Variants in PELI2 observed in about 807,000 individuals in gnomAD.
PELI2 encodes the protein pellino E3 ubiquitin protein ligase family member 2.
A neutral mutation model predicts 42.3 loss-of-function variants in PELI2; 23 were observed. That is an observed-to-expected ratio of 0.54 (90% CI 0.39 to 0.77). The LOEUF (loss-of-function observed/expected upper bound fraction) is 0.77, where lower values mean the gene tolerates loss of function less well. Ranked by LOEUF, PELI2 falls within the 30% of genes least tolerant of loss-of-function variation. The probability of loss-of-function intolerance (pLI) is 0.00; values close to 1 mark genes in which losing one functional copy is unlikely to be tolerated. For synonymous variants in PELI2, 245 were observed against 212.2 expected (o/e 1.15, Z -1.34); for missense variants, 463 against 553.2 (o/e 0.84, Z 1.64).
chr14:56,153,273 C>T (rs566698511), intron 1 of PELI2, among the ~76,000 whole-genome samples: 4 of 152,102 alleles, frequency 2.6e-5, no homozygotes, highest in African/African-American at 7.2e-5. Flanking sequence ...TTTGGAAAAA[C>T]GGGGTTTTTG....
At chr14:56,136,200 C>T (rs1325246148) in intron 1 of PELI2, among the ~76,000 whole-genome samples, 1 of 152,102 alleles carries the variant, frequency 6.6e-6, no homozygotes, top group African/African-American at 2.4e-5. Flanking sequence ...TCCAGGGTTC[C>T]ACTGGTTCAC....
intron 2 of PELI2, among the ~76,000 whole-genome samples, chr14:56,264,513 G>T (rs977854548): frequency 2.0e-5 from 3 of 152,164 alleles, no homozygotes; most frequent in African/African-American, 7.2e-5. Flanking sequence ...GAAGCTGTGG[G>T]AAAGATGGTA....
At chr14:56,181,215 C>T (rs566904380) in intron 2 of PELI2, among the ~76,000 whole-genome samples, 3 of 152,176 alleles carry the variant, frequency 2.0e-5, no homozygotes, top group Admixed American at 6.5e-5. Context: ...CTGTTTGCCA[C>T]GGTTATTGGC....
At chr14:56,245,876 G>A (rs1888133883) in intron 2 of PELI2, among the ~76,000 whole-genome samples, 2 of 152,106 alleles carry the variant, frequency 1.3e-5, no homozygotes, top group African/African-American at 4.8e-5. Flanking sequence ...TAAAGTATAT[G>A]GGAGGATGTA....
intron 2 of PELI2, among the ~76,000 whole-genome samples, chr14:56,225,132 A>G (rs1887296877): frequency 1.3e-5 from 2 of 152,172 alleles, no homozygotes; most frequent in Non-Finnish European, 2.9e-5. Context: ...TTTGGTAAGG[A>G]TGAACAATGA....
intron 2 of PELI2, among the ~76,000 whole-genome samples, chr14:56,203,147 G>A (rs776691800): frequency 2.0e-5 from 3 of 152,232 alleles, no homozygotes; most frequent in Middle Eastern, 3.4e-3. Context: ...GACCAGCCTG[G>A]CCAACATGCT....
chr14:56,134,688 G>C (rs1455242473), intron 1 of PELI2, among the ~76,000 whole-genome samples: 1 of 151,932 alleles, frequency 6.6e-6, no homozygotes, highest in African/African-American at 2.4e-5. Context: ...CTGCTGGAGT[G>C]ATAACCGTGA....
Position 56,136,262 on chromosome 14 carries a change from A to G in PELI2, c.77+17525A>G, listed in dbSNP as rs140054073. On this transcript the variant is annotated intron_variant, in intron 1 of 5. Coordinates refer to ENST00000267460, the MANE Select transcript of PELI2 (RefSeq NM_021255.3). Reference sequence around the variant, plus strand: ...AGTATTTTCAAGGGGGTGTGGTGGAATGTTGAGGTCCACAGTGTCTCTGGT... The same window carrying G: ...AGTATTTTCAAGGGGGTGTGGTGGAGTGTTGAGGTCCACAGTGTCTCTGGT... Among the ~76,000 whole-genome samples, 86 of 152,300 alleles carry G rather than the reference A, an allele frequency of 5.6e-4. No individual in the cohort carries two copies. In the East Asian group the frequency reaches 0.015, roughly 26 times the overall value.
chr14:56,262,140 A>G (rs1160200478), intron 2 of PELI2, among the ~76,000 whole-genome samples: 1 of 152,234 alleles, frequency 6.6e-6, no homozygotes, highest in Non-Finnish European at 1.5e-5. Flanking sequence ...TTTAAACTGC[A>G]ATTTACAGGC....
chr14:56,165,982 T>G (rs1028004536), intron 1 of PELI2, among the ~76,000 whole-genome samples: 5 of 152,348 alleles, frequency 3.3e-5, no homozygotes, highest in African/African-American at 1.2e-4. Flanking sequence ...GTAAATAGAC[T>G]AAACTCTCAT....
rs1890040849 is a variant in PELI2, at chr14:56,297,228, C to T, written c.*62C>T. On this transcript the variant is annotated 3_prime_UTR_variant, in exon 6 of 6. Coordinates refer to ENST00000267460, the MANE Select transcript of PELI2 (RefSeq NM_021255.3). The stretch of plus-strand genomic sequence containing the variant: ...TACTGTGAAGATTTTGCCACTAACT[C>T]TAGATTTTACCTTTTTGTAATGCTG... 8.8e-7 allele frequency: 1 copy of T among 1,141,528 alleles called. No homozygotes were observed. The highest frequency in any genetic ancestry group is 1.5e-5 in the African/African-American group (1 of 64,860). The allele number at this position is 1,141,528 out of a possible 1,614,324, so 70.7% of individuals were successfully genotyped here.
At chr14:56,153,791 G>A (rs566570849) in intron 1 of PELI2, among the ~76,000 whole-genome samples, 2 of 152,214 alleles carry the variant, frequency 1.3e-5, no homozygotes, top group African/African-American at 2.4e-5. Context: ...CTGAAAAACC[G>A]AGTTCTTTTC....
intron 2 of PELI2, among the ~76,000 whole-genome samples, chr14:56,200,417 C>T (rs1886292984): frequency 6.6e-6 from 1 of 152,140 alleles, no homozygotes; most frequent in African/African-American, 2.4e-5. Context: ...CCCAGGGTCA[C>T]ACAGCCGGTG....
Position 56,290,424 on chromosome 14 carries a change from G to C in PELI2, c.664G>C (p.Glu222Gln). ...CTGTGGAGATGTGTACACCTTGCGA[G>C]AAACCAGGTCGGCCCAGCAACGAGG... ...SVCGDVYTLR[E>Q]TRSAQQRGKL... Residue 222 changes from glutamate (E) to glutamine (Q), a missense_variant, in exon 5 of 6, where the codon GAA becomes CAA. This residue lies in a region of PELI2 where 343 missense variants were observed against 378.4 expected (regional missense o/e 0.91). Transcript: ENST00000267460. The C allele has an allele frequency of 6.2e-7, 1 of 1,608,580 alleles. No individual in the cohort carries two copies. Among genetic ancestry groups the C allele is most frequent in the Non-Finnish European group, 8.5e-7 (1 of 1,176,316 alleles).
intron 4 of PELI2, among the ~76,000 whole-genome samples, chr14:56,289,701 G>C (rs1889764697): frequency 6.6e-6 from 1 of 152,028 alleles, no homozygotes; most frequent in South Asian, 2.1e-4. Flanking sequence ...GCACCCAAGA[G>C]TGTCTGTCCT....
chr14:56,136,863 G>T (rs1432376520), intron 1 of PELI2, among the ~76,000 whole-genome samples: 1 of 152,098 alleles, frequency 6.6e-6, no homozygotes, highest in Non-Finnish European at 1.5e-5. Flanking sequence ...GGTAGACCTT[G>T]GCAGTTTGTC....
Position 56,118,532 on chromosome 14 carries a change from G to A in PELI2, c.-129G>A. ...GGACTGGCCGCCCCGCGCCCCCTTCGCCGCCGTGCCCTTCCCCGGCGCGCT... is the reference window on the plus strand; with the variant it reads ...GGACTGGCCGCCCCGCGCCCCCTTCACCGCCGTGCCCTTCCCCGGCGCGCT... On this transcript the variant is annotated 5_prime_UTR_variant, in exon 1 of 6. Transcript: ENST00000267460. 2.0e-6 allele frequency: 1 copy of A among 496,020 alleles called. No individual in the cohort carries two copies. The highest frequency in any genetic ancestry group is 3.1e-6 in the Non-Finnish European group (1 of 317,636). 30.7% of individuals were successfully genotyped at this position (496,020 alleles called of 1,614,324 possible).
intron 5 of PELI2, among the ~76,000 whole-genome samples, chr14:56,293,218 A>G (rs1321859737): frequency 6.6e-6 from 1 of 152,200 alleles, no homozygotes; most frequent in African/African-American, 2.4e-5. Flanking sequence ...GTGCTTAGAT[A>G]GTTGCTATGT....
intron 1 of PELI2, among the ~76,000 whole-genome samples, chr14:56,167,421 A>C (rs1007642631): frequency 6.6e-6 from 1 of 152,116 alleles, no homozygotes. Flanking sequence ...TCAGGCTAAC[A>C]AATTCTTCAG....
Sources: allele counts gnomAD v4.1 joint callset (sites outside exome capture counted in the v4.1 genomes callset), GRCh38; gene constraint gnomAD v4.1.1; regional missense constraint gnomAD v4.1.1; transcripts MANE v1.5; gene names NCBI Gene and HGNC (gene_info 2026-07-23, HGNC 2026-07-21).